Variants in VIPR2 observed in about 807,000 individuals in gnomAD.
VIPR2 encodes vasoactive intestinal peptide receptor 2, also known as vasoactive intestinal polypeptide receptor 2.
A neutral mutation model predicts 58.0 loss-of-function variants in VIPR2; 48 were observed. The ratio of observed to expected loss-of-function variants is 0.83; its 90% CI spans 0.66 to 1.05. The LOEUF is 1.05. Among genes scored for constraint, VIPR2 ranks in the 50% least tolerant of loss-of-function variants. The pLI is 0.00. For missense variants in VIPR2, 534 were observed against 558.0 expected (o/e 0.96, Z 0.43); for synonymous variants, 243 against 235.2 (o/e 1.03, Z -0.30).
At chr7:159,058,638 A>G in intron 4 of VIPR2, 60 bp from the exon 5 acceptor site, 1 of 1,283,794 alleles carries the variant, frequency 7.8e-7, no homozygotes, top group Non-Finnish European at 1.1e-6. Flanking sequence ...AGACAACAGG[A>G]ATGGTTCCAG....
chr7:159,054,111 C>T (rs925140544), intron 5 of VIPR2, among the ~76,000 whole-genome samples: 8 of 152,164 alleles, frequency 5.3e-5, no homozygotes, highest in Non-Finnish European at 1.2e-4. Flanking sequence ...GCATTGCAGG[C>T]CATAGAAGCT....
At chr7:159,083,701 G>C (rs2864946) in intron 4 of VIPR2, among the ~76,000 whole-genome samples, 14,856 of 152,272 alleles carry the variant, frequency 0.098, 1,852 homozygotes, top group African/African-American at 0.29. Context: ...TTTACTGTCA[G>C]TCCATTCATA....
intron 4 of VIPR2, among the ~76,000 whole-genome samples, chr7:159,069,075 G>A (rs1019935835): frequency 3.3e-5 from 5 of 152,192 alleles, no homozygotes; most frequent in South Asian, 4.1e-4. Context: ...GTACCTCACT[G>A]GGCAGCCTTA....
At chr7:159,135,005 T>G (rs989834065) in intron 2 of VIPR2, among the ~76,000 whole-genome samples, 3 of 92,064 alleles carry the variant, frequency 3.3e-5, no homozygotes, top group Admixed American at 9.8e-5. Flanking sequence ...ATTACAAAAG[T>G]TTTTTTTTTT....
At chr7:159,143,254 G>T (rs1260709539) in intron 1 of VIPR2, among the ~76,000 whole-genome samples, 1 of 152,184 alleles carries the variant, frequency 6.6e-6, no homozygotes, top group Non-Finnish European at 1.5e-5. Context: ...CTCTCAGAAG[G>T]CACCGTTTCT....
rs902633161 is a variant in VIPR2, at chr7:159,031,519, G to A, written c.1143+309C>T. The A allele has an allele frequency of 6.1e-6, 6 of 985,142 alleles. No individual in the cohort carries two copies. The highest frequency in any genetic ancestry group is 6.1e-5 in the Admixed American group (1 of 16,264). 61.0% of individuals were successfully genotyped at this position (985,142 alleles called of 1,614,324 possible). On this transcript the variant is annotated intron_variant, in intron 12 of 12. Coordinates refer to ENST00000262178, the MANE Select transcript of VIPR2 (RefSeq NM_003382.5). This position sits in a 1 kb window ranked among gnomAD's most constrained non-coding sequence, Gnocchi z 4.0. The stretch of plus-strand genomic sequence containing the variant: ...AAGCTATGGTCAGGAGCGAGACGCC[G>A]ACCATGGGGAAAAACAGATTCTGTC...
intron 2 of VIPR2, among the ~76,000 whole-genome samples, chr7:159,129,739 G>C (rs1487241576): frequency 2.1e-3 from 292 of 139,352 alleles, no homozygotes; most frequent in African/African-American, 7.7e-3. Context: ...GCGGGGACAG[G>C]GCCAGGTGAC....
intron 4 of VIPR2, among the ~76,000 whole-genome samples, chr7:159,070,338 CT>C (rs1187063644): frequency 3.8e-4 from 56 of 147,138 alleles, no homozygotes; most frequent in Middle Eastern, 3.6e-3. Flanking sequence ...GTTCTCAGCT[CT>C]TTTTTTTTTT....
At position 159,079,309 on chromosome 7, in the gene VIPR2, A is replaced by C. The variant is rs147272796; in HGVS notation, c.358-20731T>G. Among the ~76,000 whole-genome samples the C allele has an allele frequency of 4.1e-4, 62 of 152,360 alleles. 1 individual carries two copies. The East Asian group carries it at 0.011, about 27-fold the overall frequency. ...TGCAATCAAACTAGAACACAGGATT[A>C]AGAAACTCACTCAAAACCACTCAAC... On this transcript the variant is annotated intron_variant, in intron 4 of 12. Transcript: ENST00000262178.
At chr7:159,066,334 A>G (rs1200124669) in intron 4 of VIPR2, among the ~76,000 whole-genome samples, 1 of 149,246 alleles carries the variant, frequency 6.7e-6, no homozygotes, top group Non-Finnish European at 1.5e-5. Flanking sequence ...CTGCTTCCAC[A>G]ACGTCTGTGG....
intron 4 of VIPR2, among the ~76,000 whole-genome samples, chr7:159,076,105 A>C (rs1287158027): frequency 6.6e-6 from 1 of 152,192 alleles, no homozygotes; most frequent in African/African-American, 2.4e-5. Flanking sequence ...TGGGTAATTT[A>C]AGGCAAAGAT....
intron 4 of VIPR2, among the ~76,000 whole-genome samples, chr7:159,088,895 GCTC>G (rs1319195305): frequency 1.7e-5 from 2 of 116,696 alleles, no homozygotes; most frequent in Non-Finnish European, 3.6e-5. Context: ...TCAGGCCTCG[GCTC>G]CTCATCTGTG....
chr7:159,116,422 C>T (rs1796239575), intron 2 of VIPR2, among the ~76,000 whole-genome samples: 1 of 152,136 alleles, frequency 6.6e-6, no homozygotes, highest in Non-Finnish European at 1.5e-5. Flanking sequence ...ATGGTCAGTG[C>T]ATTTGGGAAA....
intron 4 of VIPR2, among the ~76,000 whole-genome samples, chr7:159,071,556 G>T (rs2129494564): frequency 6.6e-6 from 1 of 152,298 alleles, no homozygotes; most frequent in East Asian, 1.9e-4. Context: ...CAAGGCCCAG[G>T]CCCCCTCCTT....
At chr7:159,110,346 C>T (rs2129496291) in intron 2 of VIPR2, among the ~76,000 whole-genome samples, 1 of 152,324 alleles carries the variant, frequency 6.6e-6, no homozygotes, top group Middle Eastern at 3.4e-3. Flanking sequence ...TTTGATTTTT[C>T]ACTGTCAAGA....
rs939592692 is a variant in VIPR2, at chr7:159,030,684, C to T, written c.1249G>A (p.Gly417Ser). 30 of 1,573,148 alleles carry T rather than the reference C, an allele frequency of 1.9e-5. No individual in the cohort carries two copies. Among genetic ancestry groups the T allele is most frequent in the Non-Finnish European group, 2.6e-5 (30 of 1,160,854 alleles). ...GAGCCGCGGTGGAACTGCAGGGCGC[C>T]CTCCGAGCCGTTGCGGGAGAAGGAG... ...GSSFSRNGSE[G>S]ALQFHRGSRA... Residue 417 changes from glycine (G) to serine (S), a missense_variant, in exon 13 of 13, where the codon GGC becomes AGC. Gly to Ser is a moderately conservative substitution (Grantham distance 56, BLOSUM62 0). This residue lies in a region of VIPR2 where 306 missense variants were observed against 285.8 expected (regional missense o/e 1.07). Transcript: ENST00000262178.
At chr7:159,144,307 C>G (rs2129498795) in intron 1 of VIPR2, 1 of 1,503,508 alleles carries the variant, frequency 6.7e-7, no homozygotes, top group East Asian at 2.6e-5. Flanking sequence ...CCAGTAAGTA[C>G]AGGGAGGGAC....
chr7:159,131,585 G>A (rs1796916407), intron 2 of VIPR2, among the ~76,000 whole-genome samples: 1 of 152,176 alleles, frequency 6.6e-6, no homozygotes, highest in Admixed American at 6.5e-5. Flanking sequence ...TGCTTTAAGG[G>A]CAAGTATAAA....
chr7:159,032,948 G>A (rs940660205), intron 10 of VIPR2, among the ~76,000 whole-genome samples: 1 of 151,994 alleles, frequency 6.6e-6, no homozygotes, highest in African/African-American at 2.4e-5. Flanking sequence ...ACAAGGTCAT[G>A]CTGCCATGCG....
Sources: gnomAD v4.1 joint callset for allele counts (sites outside exome capture counted in the v4.1 genomes callset) on GRCh38, gnomAD v4.1.1 for gene constraint, gnomAD v4.1.1 regional missense constraint, Gnocchi (gnomAD v3.1) non-coding constraint, MANE v1.5 for transcripts, NCBI Gene and HGNC (gene_info 2026-07-23, HGNC 2026-07-21) for gene names.